The following TRDN variants were observed in gnomAD, a reference collection of about 807,000 sequenced individuals.
TRDN encodes the protein triadin, also known as triadin in skeletal muscle.
Under a neutral mutation model 149.7 loss-of-function variants are expected in TRDN, and 161 were observed. The observed-to-expected ratio is 1.08, with a 90% CI of 0.95 to 1.23. The LOEUF (loss-of-function observed/expected upper bound fraction) is 1.23, where lower values mean the gene tolerates loss of function less well. Ranked by LOEUF, TRDN falls within the 50% of genes most tolerant of loss-of-function variation. The pLI, the probability that TRDN is intolerant of heterozygous loss-of-function variation, is 0.00. For synonymous variants in TRDN, 294 were observed against 250.5 expected, an observed-to-expected ratio of 1.17 and a Z score of -1.64; for missense variants, 896 against 823.5, an observed-to-expected ratio of 1.09 and a Z score of -1.08.
At chr6:123,543,918 T>G (rs1780980268) in intron 4 of TRDN, among the ~76,000 whole-genome samples, 2 of 152,028 alleles carry the variant, frequency 1.3e-5, no homozygotes, top group African/African-American at 4.8e-5. Context: ...AGAGCTACAT[T>G]ATGATTCTCT....
intron 1 of TRDN, among the ~76,000 whole-genome samples, chr6:123,577,745 A>G (rs1782928500): frequency 6.6e-6 from 1 of 152,176 alleles, no homozygotes; most frequent in Non-Finnish European, 1.5e-5. Flanking sequence ...GAACAAATTT[A>G]TACTTCCACC....
At chr6:123,475,890 G>A (rs1406976897) in intron 9 of TRDN, among the ~76,000 whole-genome samples, 6 of 151,738 alleles carry the variant, frequency 4.0e-5, no homozygotes, top group African/African-American at 9.7e-5. Flanking sequence ...AATAAATTAG[G>A]TATTGATGGG....
chr6:123,425,324 A>C (rs13216840), intron 12 of TRDN, among the ~76,000 whole-genome samples: 11,924 of 150,958 alleles, frequency 0.079, 541 homozygotes, highest in Non-Finnish European at 0.1. Context: ...AAACATATTA[A>C]CTTCAAGAAG....
At chr6:123,494,522 TTTC>T (rs764699462) in intron 9 of TRDN, among the ~76,000 whole-genome samples, 2 of 152,164 alleles carry the variant, frequency 1.3e-5, no homozygotes, top group Non-Finnish European at 2.9e-5. Flanking sequence ...AACAGATAAT[TTTC>T]TTCAAGTAAA....
At chr6:123,561,638 T>C (rs936179132) in intron 2 of TRDN, among the ~76,000 whole-genome samples, 14 of 152,240 alleles carry the variant, frequency 9.2e-5, no homozygotes, top group Admixed American at 7.2e-4. Flanking sequence ...TTAATACCTG[T>C]TTTTCTCCTT....
At chr6:123,408,819 G>A (rs990659575) in intron 12 of TRDN, among the ~76,000 whole-genome samples, 4 of 152,002 alleles carry the variant, frequency 2.6e-5, no homozygotes, top group Non-Finnish European at 4.4e-5. Context: ...TCTCTGACAA[G>A]AAAAATCATT....
chr6:123,477,195 A>G (rs1409416098), intron 9 of TRDN, among the ~76,000 whole-genome samples: 1 of 133,204 alleles, frequency 7.5e-6, no homozygotes, highest in Non-Finnish European at 1.6e-5. Context: ...TCTACAATGA[A>G]CTCAAACAAA....
rs532305911 is a variant in TRDN at position 123,552,627 on chromosome 6, T to A, written c.233-4015A>T. 1.4e-4 allele frequency among the ~76,000 whole-genome samples: 21 copies of A among 152,282 alleles called. No individual in the cohort carries two copies. The East Asian group carries it at 3.1e-3, about 22-fold the overall frequency. On this transcript the variant is annotated intron_variant, in intron 2 of 40. Coordinates refer to ENST00000334268, the MANE Select transcript of TRDN (RefSeq NM_006073.4). ...CAGTAATAATCATTCTGCCTTTGTT[T>A]AAAATGTTGATATTTTCTTCATCAT... is the stretch of plus-strand genomic sequence containing the variant.
chr6:123,382,325 A>G (rs1781753220), intron 14 of TRDN, among the ~76,000 whole-genome samples, 178 bp from the exon 15 acceptor site: 1 of 151,640 alleles, frequency 6.6e-6, no homozygotes, highest in Non-Finnish European at 1.5e-5. Context: ...TAAGTATTAG[A>G]GTGAAGCAGG....
At chr6:123,357,472 TA>T in intron 20 of TRDN, among the ~76,000 whole-genome samples, 1 of 152,138 alleles carries the variant, frequency 6.6e-6, no homozygotes, top group Non-Finnish European at 1.5e-5. Flanking sequence ...AGATAAGGGA[TA>T]GTCTAAAAAT....
intron 21 of TRDN, among the ~76,000 whole-genome samples, chr6:123,347,548 C>T (rs1260797162): frequency 6.6e-6 from 1 of 151,926 alleles, no homozygotes; most frequent in East Asian, 1.9e-4. Context: ...AAAGTATCAG[C>T]AAAACTTTAA....
rs138742520 is a variant in TRDN at position 123,398,466 on chromosome 6, G to A, written c.1052-4789C>T. Reference sequence around the variant, plus strand: ...AAAATATATACATCCTTTATTTTTTGCATAAGATAGTGGAAACTAATGACA... The same window carrying A: ...AAAATATATACATCCTTTATTTTTTACATAAGATAGTGGAAACTAATGACA... On this transcript the variant is annotated intron_variant, in intron 12 of 40. Coordinates refer to ENST00000334268, the MANE Select transcript of TRDN (RefSeq NM_006073.4). 2.2e-3 allele frequency among the ~76,000 whole-genome samples: 339 copies of A among 152,078 alleles called. 2 individuals are homozygous for A. Among genetic ancestry groups the A allele is most frequent in the African/African-American group, 7.8e-3 (323 of 41,496 alleles).
At chr6:123,320,308 A>G (rs565828975) in intron 23 of TRDN, among the ~76,000 whole-genome samples, 6 of 151,788 alleles carry the variant, frequency 4.0e-5, no homozygotes, top group Non-Finnish European at 7.4e-5. Context: ...TTTTATTGAT[A>G]TAATATTAAA....
At chr6:123,582,494 A>G (rs1198667870) in intron 1 of TRDN, among the ~76,000 whole-genome samples, 1 of 110,128 alleles carries the variant, frequency 9.1e-6, no homozygotes, top group Non-Finnish European at 1.8e-5. Flanking sequence ...TAAAGGAAAA[A>G]GGGGGGTTGT....
At chr6:123,347,539 A>G (rs1780300990) in intron 21 of TRDN, among the ~76,000 whole-genome samples, 1 of 151,996 alleles carries the variant, frequency 6.6e-6, no homozygotes, top group Non-Finnish European at 1.5e-5. Flanking sequence ...GTGTAATGTA[A>G]AGTATCAGCA....
intron 10 of TRDN, among the ~76,000 whole-genome samples, chr6:123,461,686 T>C (rs1294205163): frequency 6.6e-6 from 1 of 152,194 alleles, no homozygotes; most frequent in Non-Finnish European, 1.5e-5. Flanking sequence ...GCGGGCAACA[T>C]TGCCTGAAGT....
intron 24 of TRDN, among the ~76,000 whole-genome samples, chr6:123,293,982 T>C (rs772304996): frequency 6.6e-6 from 1 of 152,118 alleles, no homozygotes; most frequent in African/African-American, 2.4e-5. Context: ...TTGTCTACCA[T>C]AAGTCAATCC....
chr6:123,316,780 G>A (rs181527100), intron 23 of TRDN, among the ~76,000 whole-genome samples: 1 of 151,736 alleles, frequency 6.6e-6, no homozygotes, highest in African/African-American at 2.4e-5. Context: ...TAAAAGCCAG[G>A]ACTTATAATT....
chr6:123,414,022 C>T (rs142210484), intron 12 of TRDN, among the ~76,000 whole-genome samples: 13 of 152,218 alleles, frequency 8.5e-5, no homozygotes, highest in African/African-American at 2.9e-4. Flanking sequence ...TTTAATCACA[C>T]ATCAGAAGGC....
Sources: allele counts gnomAD v4.1 joint callset (sites outside exome capture counted in the v4.1 genomes callset), GRCh38; gene constraint gnomAD v4.1.1; transcripts MANE v1.5; gene names NCBI Gene and HGNC (gene_info 2026-07-23, HGNC 2026-07-21).